Variants in CSMD1 observed in about 807,000 individuals in gnomAD.
The protein encoded by CSMD1 is CUB and Sushi multiple domains 1, also known as CUB and sushi domain-containing protein 1.
In CSMD1, 213 loss-of-function variants were observed where a neutral mutation model predicts 417.5. The ratio of observed to expected loss-of-function variants is 0.51; its 90% CI spans 0.46 to 0.57. The LOEUF (loss-of-function observed/expected upper bound fraction) is 0.57. CSMD1 is among the 20% of genes least tolerant of loss of function. The pLI, the probability that CSMD1 is intolerant of heterozygous loss-of-function variation, is 0.00. For synonymous variants in CSMD1, 2,862 were observed against 1,736.8 expected (o/e 1.65, Z -16.11); for missense variants, 6,923 against 4,529.7 (o/e 1.53, Z -15.17).
At chr8:3,752,509 C>G (rs1324927359) in intron 6 of CSMD1, among the ~76,000 whole-genome samples, 1 of 151,506 alleles carries the variant, frequency 6.6e-6, no homozygotes, top group African/African-American at 2.4e-5. Flanking sequence ...ACAAAATTAG[C>G]CGGGTGTGGT....
At chr8:3,381,778 C>T (rs567586210) in intron 18 of CSMD1, among the ~76,000 whole-genome samples, 2 of 152,072 alleles carry the variant, frequency 1.3e-5, no homozygotes, top group Non-Finnish European at 2.9e-5. Flanking sequence ...AATAAAAAAT[C>T]TCACTGCTCC....
chr8:3,285,778 C>G (rs1380307656), intron 25 of CSMD1, among the ~76,000 whole-genome samples: 1 of 151,834 alleles, frequency 6.6e-6, no homozygotes, highest in Non-Finnish European at 1.5e-5. Flanking sequence ...GGTTCTTTCT[C>G]TTATCACACA....
intron 1 of CSMD1, among the ~76,000 whole-genome samples, chr8:4,776,404 C>G (rs1284782054): frequency 6.6e-6 from 1 of 152,160 alleles, no homozygotes; most frequent in Non-Finnish European, 1.5e-5. Context: ...TCAGGTTATT[C>G]TTATGGTGCC....
chr8:4,946,429 G>T (rs1392904484), intron 1 of CSMD1, among the ~76,000 whole-genome samples: 1 of 152,106 alleles, frequency 6.6e-6, no homozygotes, highest in African/African-American at 2.4e-5. Context: ...GATGGCTTTG[G>T]ACCGTGTGTT....
At chr8:3,587,049 C>T (rs1388730738) in intron 8 of CSMD1, among the ~76,000 whole-genome samples, 1 of 152,220 alleles carries the variant, frequency 6.6e-6, no homozygotes, top group Non-Finnish European at 1.5e-5. Flanking sequence ...ATTCACCTGC[C>T]TCAGCCTCTC....
intron 7 of CSMD1, among the ~76,000 whole-genome samples, chr8:3,691,378 CAAAACAAAAAAACAA>C (rs959199037): frequency 2.7e-5 from 4 of 147,794 alleles, no homozygotes; most frequent in African/African-American, 1.0e-4. Context: ...AAAAAAAAAA[CAAAACAAAAAAACAA>C]AAAACAAAAA....
chr8:4,048,543 T>G (rs1464905091), intron 3 of CSMD1, among the ~76,000 whole-genome samples: 1 of 152,112 alleles, frequency 6.6e-6, no homozygotes, highest in Non-Finnish European at 1.5e-5. Context: ...ATAAACCAAG[T>G]AAAAGGGAGA....
rs573473685 is a variant in CSMD1 at position 3,886,520 on chromosome 8, G to T, written c.818+111383C>A. Reference sequence around the variant, plus strand: ...CACACTACCCAGCAGTGCTGCTGAAGTTTGAAAGCAGGCCATGGACAGCAC... The same window carrying T: ...CACACTACCCAGCAGTGCTGCTGAATTTTGAAAGCAGGCCATGGACAGCAC... On this transcript the variant is annotated intron_variant, in intron 5 of 69. Transcript: ENST00000635120. Among the ~76,000 whole-genome samples, 6 of 152,330 alleles carry T rather than the reference G, an allele frequency of 3.9e-5. No individual in the cohort carries two copies. The South Asian group carries it at 1.2e-3, about 32-fold the overall frequency.
At chr8:3,561,659 G>A (rs1238178460) in intron 10 of CSMD1, among the ~76,000 whole-genome samples, 1 of 152,098 alleles carries the variant, frequency 6.6e-6, no homozygotes, top group Admixed American at 6.6e-5. Context: ...CTTAAGAATT[G>A]CACATTGGGT....
chr8:4,634,679 T>A (rs985597694), intron 2 of CSMD1, among the ~76,000 whole-genome samples: 6 of 152,198 alleles, frequency 3.9e-5, no homozygotes, highest in African/African-American at 1.4e-4. Flanking sequence ...AACAACTGTT[T>A]CAAGGCATAA....
intron 3 of CSMD1, among the ~76,000 whole-genome samples, chr8:4,156,138 C>G (rs1358583918): frequency 1.3e-5 from 2 of 152,134 alleles, no homozygotes; most frequent in Non-Finnish European, 2.9e-5. Context: ...GTCCCTCTGC[C>G]TCACACCACC....
At chr8:4,920,595 G>C (rs1194864320) in intron 1 of CSMD1, among the ~76,000 whole-genome samples, 2 of 152,082 alleles carry the variant, frequency 1.3e-5, no homozygotes, top group Non-Finnish European at 1.5e-5. Flanking sequence ...GCTGAGGCAG[G>C]TGGATCACCT....
chr8:4,982,429 C>T (rs1232975652), intron 1 of CSMD1, among the ~76,000 whole-genome samples: 1 of 152,140 alleles, frequency 6.6e-6, no homozygotes, highest in Non-Finnish European at 1.5e-5. Flanking sequence ...TATCTTGCTA[C>T]AAATACTGTT....
chr8:3,066,234 T>A (rs1014278763), intron 49 of CSMD1, among the ~76,000 whole-genome samples: 1 of 152,164 alleles, frequency 6.6e-6, no homozygotes, highest in African/African-American at 2.4e-5. Context: ...GCTAATGAAA[T>A]GAAGCATTTC....
intron 3 of CSMD1, among the ~76,000 whole-genome samples, chr8:4,312,559 G>C (rs191272820): frequency 6.6e-5 from 10 of 151,030 alleles, no homozygotes; most frequent in Non-Finnish European, 1.0e-4. Flanking sequence ...GCTCACAGTC[G>C]TTCTATTTAT....
chr8:3,906,005 A>G (rs1000535616), intron 5 of CSMD1, among the ~76,000 whole-genome samples: 2 of 152,032 alleles, frequency 1.3e-5, no homozygotes, highest in African/African-American at 4.8e-5. Context: ...TTAGGCCTGG[A>G]GTTCTTTTTA....
chr8:4,745,810 G>A (rs368344632), intron 1 of CSMD1, among the ~76,000 whole-genome samples: 3 of 152,244 alleles, frequency 2.0e-5, no homozygotes, highest in African/African-American at 7.2e-5. Context: ...TGAGATGCTA[G>A]TACAAATGAG....
At chr8:4,673,848 G>A (rs916797205) in intron 1 of CSMD1, among the ~76,000 whole-genome samples, 1 of 152,118 alleles carries the variant, frequency 6.6e-6, no homozygotes, top group African/African-American at 2.4e-5. Context: ...GCTTGCCAGG[G>A]ACTGCCCGTG....
At chr8:3,674,083 G>A (rs1302320048) in intron 7 of CSMD1, among the ~76,000 whole-genome samples, 1 of 152,142 alleles carries the variant, frequency 6.6e-6, no homozygotes. Context: ...TCCAGCTTGA[G>A]TGACAGAGTG....
Sources: allele counts gnomAD v4.1 joint callset (sites outside exome capture counted in the v4.1 genomes callset), GRCh38; gene constraint gnomAD v4.1.1; transcripts MANE v1.5; gene names NCBI Gene and HGNC (gene_info 2026-07-23, HGNC 2026-07-21).